Variants in SLC8A1 observed in about 807,000 individuals in gnomAD.
SLC8A1 encodes the protein solute carrier family 8 member A1, also known as sodium/calcium exchanger 1.
In SLC8A1, 18 loss-of-function variants were observed where a neutral mutation model predicts 68.3. The observed-to-expected ratio is 0.26, with a 90% CI of 0.18 to 0.39. The LOEUF (loss-of-function observed/expected upper bound fraction) is 0.39. Among genes scored for constraint, SLC8A1 ranks in the 10% least tolerant of loss-of-function variants. The pLI is 1.00. For synonymous variants in SLC8A1, 475 were observed against 415.5 expected, an observed-to-expected ratio of 1.14 and a Z score of -1.74; for missense variants, 985 against 1,156.7, an observed-to-expected ratio of 0.85 and a Z score of 2.15.
At chr2:40,198,380 G>A (rs902562425) in intron 2 of SLC8A1, among the ~76,000 whole-genome samples, 1 of 151,898 alleles carries the variant, frequency 6.6e-6, no homozygotes, top group Non-Finnish European at 1.5e-5. Context: ...AGCCTAGAAA[G>A]ATGATATATA....
chr2:40,232,876 A>C (rs2148907305), intron 2 of SLC8A1, among the ~76,000 whole-genome samples: 1 of 145,708 alleles, frequency 6.9e-6, no homozygotes, highest in Non-Finnish European at 1.5e-5. Flanking sequence ...GCGATAGTTT[A>C]CTGAGAATGA....
At chr2:40,130,604 C>T (rs1441609032) in intron 7 of SLC8A1, among the ~76,000 whole-genome samples, 5 of 152,212 alleles carry the variant, frequency 3.3e-5, no homozygotes, top group African/African-American at 9.7e-5. Context: ...AGTAAAGAAA[C>T]GTGTTGCTTA....
intron 2 of SLC8A1, among the ~76,000 whole-genome samples, chr2:40,361,794 T>C (rs992587192): frequency 8.7e-5 from 13 of 149,302 alleles, no homozygotes; most frequent in African/African-American, 1.7e-4. Flanking sequence ...AAATGAGAAA[T>C]AAATTCATTT....
intron 3 of SLC8A1, chr2:40,177,676 TTA>T: frequency 1.1e-6 from 1 of 877,678 alleles, no homozygotes; most frequent in Admixed American, 2.0e-5. Context: ...GAGGAGAGAG[TTA>T]AGTGTGAGAG....
At chr2:40,299,309 C>A (rs1339246731) in intron 2 of SLC8A1, among the ~76,000 whole-genome samples, 2 of 152,182 alleles carry the variant, frequency 1.3e-5, no homozygotes. Context: ...CCTAAGTGAT[C>A]TGCCTGCATT....
intron 1 of SLC8A1, among the ~76,000 whole-genome samples, chr2:40,492,432 G>T (rs1488416890): frequency 6.6e-6 from 1 of 152,052 alleles, no homozygotes; most frequent in East Asian, 1.9e-4. Context: ...ACATAGGCAC[G>T]GGCAAGAACT....
At chr2:40,392,281 C>T (rs1212833008) in intron 2 of SLC8A1, among the ~76,000 whole-genome samples, 2 of 150,084 alleles carry the variant, frequency 1.3e-5, no homozygotes, top group African/African-American at 2.5e-5. Context: ...AGCAAGAAAA[C>T]CTAAAGATCT....
At chr2:40,345,263 A>G (rs568093876) in intron 2 of SLC8A1, among the ~76,000 whole-genome samples, 1 of 152,060 alleles carries the variant, frequency 6.6e-6, no homozygotes, top group African/African-American at 2.4e-5. Flanking sequence ...CTCTCACTAC[A>G]CTCCTACCTC....
chr2:40,433,252 C>T (rs1258450064), intron 1 of SLC8A1, among the ~76,000 whole-genome samples: 1 of 152,164 alleles, frequency 6.6e-6, no homozygotes, highest in Non-Finnish European at 1.5e-5. Context: ...CTTTTATGAT[C>T]TGGCATCTGA....
chr2:40,377,757 C>T (rs987645292), intron 2 of SLC8A1, among the ~76,000 whole-genome samples: 1 of 152,102 alleles, frequency 6.6e-6, no homozygotes, highest in South Asian at 2.1e-4. Context: ...CTTCTCCTGC[C>T]TCTCCAATCA....
chr2:40,478,243 G>GACAA (rs1553622896), intron 1 of SLC8A1, among the ~76,000 whole-genome samples: 3 of 151,722 alleles, frequency 2.0e-5, no homozygotes, highest in African/African-American at 7.3e-5. Context: ...CACACAATCA[G>GACAA]AGTCCATTAC....
intron 2 of SLC8A1, among the ~76,000 whole-genome samples, chr2:40,215,825 T>C (rs1321724373): frequency 6.6e-6 from 1 of 152,046 alleles, no homozygotes; most frequent in Non-Finnish European, 1.5e-5. Flanking sequence ...TACCTTATAA[T>C]TGCTAAAGCC....
intron 1 of SLC8A1, among the ~76,000 whole-genome samples, chr2:40,475,842 C>A (rs1345944866): frequency 6.6e-6 from 1 of 151,984 alleles, no homozygotes; most frequent in Non-Finnish European, 1.5e-5. Context: ...TAGATCATTA[C>A]CTAAGCCCTA....
intron 2 of SLC8A1, among the ~76,000 whole-genome samples, chr2:40,327,728 G>A (rs2075990457): frequency 6.6e-6 from 1 of 152,084 alleles, no homozygotes; most frequent in Non-Finnish European, 1.5e-5. Flanking sequence ...ACATAAAGAT[G>A]AGAATAATAC....
chr2:40,460,874 T>A (rs1405834790), intron 1 of SLC8A1, among the ~76,000 whole-genome samples: 2 of 128,862 alleles, frequency 1.6e-5, no homozygotes, highest in African/African-American at 5.6e-5. Flanking sequence ...CACCTGACTA[T>A]AAGGATTTTT....
chr2:40,507,768 T>C (rs914024993), intron 1 of SLC8A1, among the ~76,000 whole-genome samples: 1 of 152,076 alleles, frequency 6.6e-6, no homozygotes, highest in Non-Finnish European at 1.5e-5. Context: ...AATAAATTAA[T>C]ACCTGTAATT....
At chr2:40,367,098 G>T (rs72798626) in intron 2 of SLC8A1, among the ~76,000 whole-genome samples, 1,720 of 152,034 alleles carry the variant, frequency 0.011, 14 homozygotes, top group Non-Finnish European at 0.017. Context: ...AAACCAAAGA[G>T]TCATAAGATC....
chr2:40,494,715 A>AT (rs982804901), intron 1 of SLC8A1, among the ~76,000 whole-genome samples: 1 of 132,490 alleles, frequency 7.5e-6, no homozygotes, highest in African/African-American at 3.0e-5. Flanking sequence ...GTTTTGTTCC[A>AT]TTTTTTCTTT....
intron 6 of SLC8A1, among the ~76,000 whole-genome samples, chr2:40,153,421 G>T (rs1332977872): frequency 1.3e-5 from 2 of 152,088 alleles, no homozygotes; most frequent in Non-Finnish European, 2.9e-5. Context: ...AACAAATAAA[G>T]AATTTAAACA....
Sources: gnomAD v4.1 joint callset for allele counts (sites outside exome capture counted in the v4.1 genomes callset) on GRCh38, gnomAD v4.1.1 for gene constraint, MANE v1.5 for transcripts, NCBI Gene and HGNC (gene_info 2026-07-23, HGNC 2026-07-21) for gene names.